The following ABCA12 variants were observed in gnomAD, a reference collection of about 807,000 sequenced individuals.
The protein encoded by ABCA12 is ATP binding cassette subfamily A member 12, also known as glucosylceramide transporter ABCA12.
In ABCA12, 156 loss-of-function variants were observed where a neutral mutation model predicts 293.5. The ratio of observed to expected loss-of-function variants is 0.53; its 90% CI spans 0.47 to 0.61. The LOEUF (loss-of-function observed/expected upper bound fraction) is 0.61, where lower values mean the gene tolerates loss of function less well. Among genes scored for constraint, ABCA12 ranks in the 20% least tolerant of loss-of-function variants. The probability of loss-of-function intolerance (pLI) is 0.00; values close to 1 mark genes in which losing one functional copy is unlikely to be tolerated. For synonymous variants in ABCA12, 1,063 were observed against 1,108.0 expected (o/e 0.96, Z 0.81); for missense variants, 2,797 against 3,090.2 (o/e 0.91, Z 2.25).
intron 15 of ABCA12, among the ~76,000 whole-genome samples, chr2:215,014,177 A>T (rs6720397): frequency 1 from 150,891 of 151,206 alleles, 75,289 homozygotes; most frequent in East Asian, 1. Context: ...AAAGACTCTG[A>T]CTCAAAAAAA....
intron 1 of ABCA12, among the ~76,000 whole-genome samples, chr2:215,112,442 G>A (rs553137430): frequency 2.0e-5 from 3 of 149,202 alleles, no homozygotes; most frequent in Admixed American, 6.7e-5. Flanking sequence ...AAAAATAGAT[G>A]CTCAAAAACA....
chr2:214,950,384 CTGTGTGTGTGTGTGTGTG>C (rs61619476), intron 45 of ABCA12, among the ~76,000 whole-genome samples: 1 of 116,584 alleles, frequency 8.6e-6, no homozygotes, highest in Non-Finnish European at 1.9e-5. Flanking sequence ...ATATATATAT[CTGTGTGTGTGTGTGTGTG>C]TGTGTGTGTG....
intron 2 of ABCA12, among the ~76,000 whole-genome samples, chr2:215,072,822 C>G (rs371942429): frequency 6.6e-6 from 1 of 152,202 alleles, no homozygotes; most frequent in Non-Finnish European, 1.5e-5. Flanking sequence ...CTTCGCCAGG[C>G]GCGGTGGCTC....
Position 215,046,003 on chromosome 2 carries a change from G to T in ABCA12, c.706C>A (p.Pro236Thr). The T allele has an allele frequency of 1.9e-6, 3 of 1,613,376 alleles. No individual in the cohort carries two copies. Among genetic ancestry groups the T allele is most frequent in the Non-Finnish European group, 2.5e-6 (3 of 1,179,698 alleles). Residue 236 changes from proline (P) to threonine (T), a missense_variant, in exon 7 of 53, where the codon CCC becomes ACC. Physicochemically the swap from Pro to Thr is conservative, Grantham distance 38. Transcript: ENST00000272895. ...TGAAACACTATCTTCTGATTGTTGG[G>T]GTCACTGGATAGCTTAAAATATAAA... is the stretch of plus-strand genomic sequence containing the variant. ...NKQFSQLSSDPNNQKIVFQEI... is the reference protein window; with the variant it reads ...NKQFSQLSSDTNNQKIVFQEI...
At chr2:215,112,297 A>G (rs1575051827) in intron 1 of ABCA12, among the ~76,000 whole-genome samples, 1 of 150,852 alleles carries the variant, frequency 6.6e-6, no homozygotes, top group Non-Finnish European at 1.5e-5. Context: ...TTGTGTGTCT[A>G]CTTCTATCAT....
intron 13 of ABCA12, 31 bp from the exon 14 acceptor site, chr2:215,018,163 C>T: frequency 6.2e-7 from 1 of 1,602,014 alleles, no homozygotes. Flanking sequence ...AAAGAAAACC[C>T]ATGTTGGTTT....
intron 2 of ABCA12, among the ~76,000 whole-genome samples, chr2:215,107,617 G>A (rs1160387717): frequency 1.3e-5 from 2 of 152,170 alleles, no homozygotes; most frequent in African/African-American, 4.8e-5. Flanking sequence ...ATGGTGTCAG[G>A]GATTGCAGCT....
chr2:215,010,266 G>T, intron 18 of ABCA12, 65 bp downstream of exon 18: 1 of 1,566,344 alleles, frequency 6.4e-7, no homozygotes, highest in Non-Finnish European at 8.8e-7. Context: ...AAGTAAATTT[G>T]GAAGTTGACT....
intron 3 of ABCA12, 82 bp from the exon 4 acceptor site, chr2:215,054,746 G>A (rs1701387623): frequency 9.7e-7 from 1 of 1,034,124 alleles, no homozygotes; most frequent in South Asian, 1.3e-5. Flanking sequence ...CAGATTCCAG[G>A]GCTGTCTGAG....
At chr2:215,124,574 A>G (rs1407263242) in intron 1 of ABCA12, among the ~76,000 whole-genome samples, 4 of 151,878 alleles carry the variant, frequency 2.6e-5, no homozygotes, top group East Asian at 1.9e-4. Context: ...GCATTTTTTC[A>G]TATGTTTGTT....
chr2:215,100,768 T>A (rs1295698666), intron 2 of ABCA12, among the ~76,000 whole-genome samples: 1 of 152,188 alleles, frequency 6.6e-6, no homozygotes, highest in Non-Finnish European at 1.5e-5. Context: ...AGAAGCATCT[T>A]TTTTTAACCA....
chr2:215,011,342 A>C (rs1700367107), intron 17 of ABCA12, 97 bp downstream of exon 17: 3 of 930,408 alleles, frequency 3.2e-6, no homozygotes, highest in Admixed American at 2.2e-5. Context: ...CTTGGGGAAA[A>C]TTAATACTTC....
chr2:215,099,653 AC>A (rs2106115386), intron 2 of ABCA12, among the ~76,000 whole-genome samples: 1 of 150,330 alleles, frequency 6.7e-6, no homozygotes, highest in South Asian at 2.1e-4. Context: ...ACATCACGCC[AC>A]TGCACTCCAG....
intron 1 of ABCA12, among the ~76,000 whole-genome samples, chr2:215,130,490 T>A (rs1488938344): frequency 6.6e-6 from 1 of 152,086 alleles, no homozygotes; most frequent in East Asian, 1.9e-4. Context: ...GTGCGGCTAT[T>A]TTAAATGGCC....
chr2:215,004,429 C>G, intron 19 of ABCA12, 130 bp from the exon 20 acceptor site: 2 of 683,244 alleles, frequency 2.9e-6, no homozygotes, highest in South Asian at 3.4e-5. Flanking sequence ...CTTGCAAAGG[C>G]TCACAGAGAA....
intron 7 of ABCA12, chr2:215,044,538 G>C (rs974858053): frequency 6.6e-6 from 1 of 152,132 alleles, no homozygotes; most frequent in Non-Finnish European, 1.5e-5. Flanking sequence ...ATTTCCCTAA[G>C]AGATAAAATG....
chr2:215,094,596 C>T (rs1702212889), intron 2 of ABCA12, among the ~76,000 whole-genome samples: 1 of 152,214 alleles, frequency 6.6e-6, no homozygotes, highest in Non-Finnish European at 1.5e-5. Flanking sequence ...TAGAACCTCT[C>T]ATTTCCTTTA....
rs570391377 is a variant in ABCA12, at chr2:215,052,550, T to C, written c.444A>G (p.Glu148=). 7.4e-6 allele frequency: 12 copies of C among 1,612,694 alleles called. No homozygotes were observed. In the South Asian group the frequency reaches 1.3e-4, roughly 18 times the overall value. ...CATTGAAAGTATATGTTCCGGGGAT[T>C]TCCAAATCAGAACTTGGACTGGGAA... ...TVFPSPSSDL[E]IPGTYTFNGS... Residue 148 remains glutamate (E), a synonymous_variant, in exon 5 of 53, where the codon GAA becomes GAG. Transcript: ENST00000272895.
chr2:215,050,447 C>T (rs1701297874), intron 5 of ABCA12, among the ~76,000 whole-genome samples: 1 of 152,036 alleles, frequency 6.6e-6, no homozygotes, highest in South Asian at 2.1e-4. Context: ...CATAATCTCC[C>T]TATATATTTC....
Sources: allele counts gnomAD v4.1 joint callset (sites outside exome capture counted in the v4.1 genomes callset), GRCh38; gene constraint gnomAD v4.1.1; transcripts MANE v1.5; gene names NCBI Gene and HGNC (gene_info 2026-07-23, HGNC 2026-07-21).